SLC17A2: variants seen among roughly 807,000 people sequenced by gnomAD.
The protein encoded by SLC17A2 is solute carrier family 17 member 2.
A neutral mutation model predicts 52.1 loss-of-function variants in SLC17A2; 38 were observed. That is an observed-to-expected ratio of 0.73 (90% CI 0.56 to 0.96). The LOEUF is 0.96. Ranked by LOEUF, SLC17A2 falls within the 40% of genes least tolerant of loss-of-function variation. The pLI is 0.00. For synonymous variants in SLC17A2, 226 were observed against 211.9 expected (o/e 1.07, Z -0.58); for missense variants, 508 against 583.9 (o/e 0.87, Z 1.34).
chr6:25,913,795 G>A (rs1328306646), intron 11 of SLC17A2, among the ~76,000 whole-genome samples: 3 of 148,946 alleles, frequency 2.0e-5, no homozygotes, highest in Non-Finnish European at 4.5e-5. Flanking sequence ...TGTTGTTGTT[G>A]CTGTTTGTTT....
intron 11 of SLC17A2, 181 bp downstream of exon 11, chr6:25,914,399 A>G (rs1013623153): frequency 1.0e-5 from 6 of 593,224 alleles, no homozygotes; most frequent in Non-Finnish European, 1.8e-5. Flanking sequence ...ACATCTATTC[A>G]TCTTGAGAAA....
chr6:25,918,429 G>A (rs2151547335), intron 6 of SLC17A2, 58 bp downstream of exon 6: 1 of 1,108,806 alleles, frequency 9.0e-7, no homozygotes, highest in Non-Finnish European at 1.4e-6. Flanking sequence ...GGTGGTGTAG[G>A]TGCCAAAATG....
chr6:25,925,724 C>T, intron 2 of SLC17A2, 45 bp downstream of exon 2: 1 of 1,573,136 alleles, frequency 6.4e-7, no homozygotes, highest in Non-Finnish European at 8.8e-7. Context: ...TCGGAATAAG[C>T]TTCAGCTTAT....
Position 25,920,858 on chromosome 6 carries a change from T to C in SLC17A2, c.562+148A>G. ...AATGTCTTTACTGCACAGATGCATCTTTCCTATTTGTGATGCAAGTGTCTT... is the reference window on the plus strand; with the variant it reads ...AATGTCTTTACTGCACAGATGCATCCTTCCTATTTGTGATGCAAGTGTCTT... On this transcript the variant is annotated intron_variant, in intron 5 of 11. Coordinates refer to ENST00000377850, the MANE Select transcript of SLC17A2 (RefSeq NM_001286123.3). 3 of 684,492 alleles carry C rather than the reference T, an allele frequency of 4.4e-6. No individual in the cohort carries two copies. In the South Asian group the frequency reaches 5.6e-5, roughly 13 times the overall value. 42.4% of individuals were successfully genotyped at this position (684,492 alleles called of 1,614,324 possible). A position where few individuals can be genotyped will look rare whatever the true frequency, so the allele number is the denominator to read the frequency against.
intron 1 of SLC17A2, among the ~76,000 whole-genome samples, chr6:25,928,190 C>T (rs1254587427): frequency 6.6e-6 from 1 of 151,890 alleles, no homozygotes; most frequent in Non-Finnish European, 1.5e-5. Flanking sequence ...CACCAGATCC[C>T]CTAATGCCTA....
Position 25,923,882 on chromosome 6 carries a change from T to C in SLC17A2, c.53A>G (p.Tyr18Cys). 1 of 1,614,118 alleles carries C rather than the reference T, an allele frequency of 6.2e-7. No homozygotes were observed. Among genetic ancestry groups the C allele is most frequent in the South Asian group, 1.1e-5 (1 of 91,082 alleles). ...GAAGTGCATGATAAGAGCCAGCCCA[T>C]AGCGTAATGAACAGAAATCTGGACC... ...RKGPDFCSLR[Y>C]GLALIMHFSN... The change falls in exon 3 of 12, where the codon TAT becomes TGT. Residue 18 changes from tyrosine to cysteine, a missense_variant. Physicochemically the swap from Tyr to Cys is radical, Grantham distance 194 (BLOSUM62 -2). Coordinates refer to ENST00000377850, the MANE Select transcript of SLC17A2 (RefSeq NM_001286123.3).
chr6:25,914,893 C>T (rs879657391), intron 10 of SLC17A2, among the ~76,000 whole-genome samples: 20 of 151,858 alleles, frequency 1.3e-4, no homozygotes, highest in African/African-American at 3.4e-4. Context: ...CTGGGAACCA[C>T]GTTTCTTTAC....
intron 5 of SLC17A2, among the ~76,000 whole-genome samples, chr6:25,920,216 G>C (rs1766500098): frequency 6.6e-6 from 1 of 152,212 alleles, no homozygotes; most frequent in South Asian, 2.1e-4. Context: ...GGATGCAGCT[G>C]TGTAGTGGAC....
At chr6:25,922,508 G>A (rs1193125138) in intron 3 of SLC17A2, among the ~76,000 whole-genome samples, 1 of 152,206 alleles carries the variant, frequency 6.6e-6, no homozygotes, top group Non-Finnish European at 1.5e-5. Context: ...AGCATGTCCA[G>A]TGAACACTGC....
At chr6:25,919,953 G>A (rs1766490009) in intron 5 of SLC17A2, among the ~76,000 whole-genome samples, 1 of 152,060 alleles carries the variant, frequency 6.6e-6, no homozygotes, top group Admixed American at 6.6e-5. Context: ...AAGAACTTTT[G>A]TATTCATGCA....
At chr6:25,925,715 C>T (rs982981604) in intron 2 of SLC17A2, 54 bp downstream of exon 2, 19 of 1,502,968 alleles carry the variant, frequency 1.3e-5, no homozygotes, top group South Asian at 7.9e-5. Flanking sequence ...GTAAATGTGT[C>T]GGAATAAGCT....
chr6:25,915,582 G>A lies in SLC17A2; in HGVS notation c.1128C>T (p.Thr376=). ...CAGGAATAAGTATCAGCAAAATAAT[G>A]GTTATCACGTAACTGGAGGCCACAA... ...LPFVASSYVI[T]IILLILIPGT... Residue 376 remains threonine, a synonymous_variant, in exon 10 of 12, where the codon ACC becomes ACT. Coordinates refer to ENST00000377850, the MANE Select transcript of SLC17A2 (RefSeq NM_001286123.3). 1 of 1,610,942 alleles carries A rather than the reference G, an allele frequency of 6.2e-7. No individual in the cohort carries two copies. The highest frequency in any genetic ancestry group is 1.1e-5 in the South Asian group (1 of 90,720).
intron 1 of SLC17A2, among the ~76,000 whole-genome samples, chr6:25,929,470 T>C (rs1196509936): frequency 2.0e-5 from 3 of 152,204 alleles, no homozygotes; most frequent in African/African-American, 7.2e-5. Flanking sequence ...CTACAGCAAA[T>C]GAAATGTATT....
At chr6:25,914,376 T>G (rs1170470714) in intron 11 of SLC17A2, among the ~76,000 whole-genome samples, 1 of 152,326 alleles carries the variant, frequency 6.6e-6, no homozygotes, top group East Asian at 1.9e-4. Flanking sequence ...AACAGCTCAT[T>G]TTAATCAATC....
chr6:25,913,384 A>G lies in SLC17A2; in HGVS notation c.1370T>C (p.Phe457Ser). 6.2e-7 allele frequency: 1 copy of G among 1,614,148 alleles called. No homozygotes were observed. Residue 457 changes from phenylalanine (F) to serine (S), a missense_variant, in exon 12 of 12, where the codon TTT becomes TCT. By Grantham distance (155) the Phe-to-Ser change is radical. Transcript: ENST00000377850. Reference sequence around the variant, plus strand: ...TTCTGCTTGTCCAAACGTGAGGTAAAAGACCAGGCCAAACATGTTGACTGC... The same window carrying G: ...TTCTGCTTGTCCAAACGTGAGGTAAGAGACCAGGCCAAACATGTTGACTGC... Reference protein sequence around the residue: ...SAAVNMFGLVFYLTFGQAELQ... With the variant: ...SAAVNMFGLVSYLTFGQAELQ...
intron 6 of SLC17A2, among the ~76,000 whole-genome samples, chr6:25,917,606 G>T (rs1440830661): frequency 6.6e-6 from 1 of 152,098 alleles, no homozygotes; most frequent in Non-Finnish European, 1.5e-5. Context: ...ACAATACCTG[G>T]TTAACATGTA....
Position 25,913,440 on chromosome 6 carries a change from A to G in SLC17A2, c.1314T>C (p.Ser438=), listed in dbSNP as rs1284070961. 1 of 1,613,890 alleles carries G rather than the reference A, an allele frequency of 6.2e-7. No homozygotes were observed. The highest frequency in any genetic ancestry group is 1.3e-5 in the African/African-American group (1 of 74,924). The change falls in exon 12 of 12, where the codon TCT becomes TCC. Residue 438 remains serine, a synonymous_variant. Coordinates refer to ENST00000377850, the MANE Select transcript of SLC17A2 (RefSeq NM_001286123.3). ...TGFLISQDFE[S]GWRNVFFLSA... The stretch of plus-strand genomic sequence containing the variant: ...ACAGGAAAAAGACATTCCTCCAACC[A>G]GACTCAAAATCCTAGATGTAAAAAA...
chr6:25,922,376 A>G (rs1460580326), intron 3 of SLC17A2, among the ~76,000 whole-genome samples: 1 of 152,230 alleles, frequency 6.6e-6, no homozygotes, highest in Non-Finnish European at 1.5e-5. Context: ...AGCAAAAGTG[A>G]ACTTGTAGCA....
chr6:25,917,080 A>G lies in SLC17A2; in HGVS notation c.657T>C (p.Thr219=), dbSNP rs778069298. Residue 219 remains threonine, a synonymous_variant, in exon 7 of 12, where the codon ACT becomes ACC. Coordinates refer to ENST00000377850, the MANE Select transcript of SLC17A2 (RefSeq NM_001286123.3). The part of the protein sequence containing the change: ...WPFIFYIFGS[T]GCVCCLLWFT... Reference sequence around the variant, plus strand: ...ACCATAGGAGACAGCAGACACAGCCAGTGCTACCTGGGAAGAAGGGATAAA... The same window carrying G: ...ACCATAGGAGACAGCAGACACAGCCGGTGCTACCTGGGAAGAAGGGATAAA... 1 of 1,613,256 alleles carries G rather than the reference A, an allele frequency of 6.2e-7. No homozygotes were observed. Among genetic ancestry groups the G allele is most frequent in the South Asian group, 1.1e-5 (1 of 91,060 alleles).
Sources: allele counts gnomAD v4.1 joint callset (sites outside exome capture counted in the v4.1 genomes callset), GRCh38; gene constraint gnomAD v4.1.1; transcripts MANE v1.5; gene names NCBI Gene and HGNC (gene_info 2026-07-23, HGNC 2026-07-21).